Variants in TLE1 observed in about 807,000 individuals in gnomAD.
The protein encoded by TLE1 is TLE family member 1, transcriptional corepressor.
In TLE1, 21 loss-of-function variants were observed where a neutral mutation model predicts 89.8. That is an observed-to-expected ratio of 0.23 (90% CI 0.17 to 0.34). TLE1 has a LOEUF of 0.34. Ranked by LOEUF, TLE1 falls within the 10% of genes least tolerant of loss-of-function variation. The pLI, the probability that TLE1 is intolerant of heterozygous loss-of-function variation, is 1.00. For missense variants in TLE1, 795 were observed against 1,031.2 expected (o/e 0.77, Z 3.14); for synonymous variants, 447 against 407.6 (o/e 1.10, Z -1.16).
intron 14 of TLE1, among the ~76,000 whole-genome samples, chr9:81,606,760 G>A (rs1264993565): frequency 6.6e-6 from 1 of 150,992 alleles, no homozygotes; most frequent in South Asian, 2.1e-4. Flanking sequence ...ATGTACCCTA[G>A]AACTTAAAGT....
chr9:81,681,548 G>A (rs1833632072), intron 4 of TLE1, among the ~76,000 whole-genome samples: 2 of 142,354 alleles, frequency 1.4e-5, no homozygotes, highest in Non-Finnish European at 3.1e-5. Flanking sequence ...AGATTCCGTC[G>A]CGCAAAAAAA....
At chr9:81,649,438 G>A (rs565527460) in intron 6 of TLE1, among the ~76,000 whole-genome samples, 10 of 152,248 alleles carry the variant, frequency 6.6e-5, no homozygotes, top group Non-Finnish European at 1.3e-4. Context: ...GTTTGATAAA[G>A]AGAAATATCT....
At chr9:81,684,458 ATAACT>A (rs1352804199) in intron 4 of TLE1, among the ~76,000 whole-genome samples, 1 of 152,238 alleles carries the variant, frequency 6.6e-6, no homozygotes, top group African/African-American at 2.4e-5. Context: ...AATGTACACG[ATAACT>A]TAACATTATG....
intron 14 of TLE1, among the ~76,000 whole-genome samples, chr9:81,598,507 A>G (rs1416893163): frequency 1.3e-5 from 2 of 152,158 alleles, no homozygotes; most frequent in Non-Finnish European, 2.9e-5. Flanking sequence ...GGCAGGCAGA[A>G]GGTTTCACCA....
chr9:81,615,746 A>AAGG (rs1323130182), intron 11 of TLE1, among the ~76,000 whole-genome samples: 1 of 151,582 alleles, frequency 6.6e-6, no homozygotes, highest in Non-Finnish European at 1.5e-5. Flanking sequence ...GAAGAAGAAG[A>AAGG]AGGCAATGAA....
chr9:81,625,236 G>A (rs1448597339), intron 8 of TLE1, among the ~76,000 whole-genome samples: 2 of 152,164 alleles, frequency 1.3e-5, no homozygotes, highest in African/African-American at 4.8e-5. Context: ...ATCTTCACTG[G>A]CAACAAGCAA....
At chr9:81,641,815 G>C (rs1828158206) in intron 6 of TLE1, among the ~76,000 whole-genome samples, 1 of 152,192 alleles carries the variant, frequency 6.6e-6, no homozygotes, top group Admixed American at 6.5e-5. Context: ...CTGAGTTTGG[G>C]AGTTTGAGAC....
chr9:81,599,091 G>A (rs1830579331), intron 14 of TLE1, among the ~76,000 whole-genome samples: 1 of 152,190 alleles, frequency 6.6e-6, no homozygotes, highest in Admixed American at 6.5e-5. Context: ...GACTGCTGAG[G>A]TGTGAAGTAA....
intron 11 of TLE1, among the ~76,000 whole-genome samples, chr9:81,615,215 G>T (rs563653892): frequency 6.6e-6 from 1 of 150,480 alleles, no homozygotes; most frequent in Non-Finnish European, 1.5e-5. Context: ...TGTAATCCCA[G>T]CTACTGGGGA....
At chr9:81,682,209 G>A (rs868139825) in intron 4 of TLE1, among the ~76,000 whole-genome samples, 1 of 149,972 alleles carries the variant, frequency 6.7e-6, no homozygotes, top group Non-Finnish European at 1.5e-5. Context: ...AGCAGAGATC[G>A]ACCACTGCAC....
At chr9:81,608,945 A>T (rs1005273531) in intron 14 of TLE1, among the ~76,000 whole-genome samples, 1 of 151,948 alleles carries the variant, frequency 6.6e-6, no homozygotes, top group South Asian at 2.1e-4. Flanking sequence ...CAAAAATAAT[A>T]AAAAAAAGAA....
chr9:81,664,073 C>T (rs1158406975), intron 4 of TLE1, among the ~76,000 whole-genome samples: 5 of 152,038 alleles, frequency 3.3e-5, no homozygotes, highest in African/African-American at 9.7e-5. Context: ...ACCAGTAGAA[C>T]AAAATCCACA....
intron 4 of TLE1, among the ~76,000 whole-genome samples, chr9:81,678,092 T>C (rs911495196): frequency 6.6e-6 from 1 of 152,198 alleles, no homozygotes; most frequent in Non-Finnish European, 1.5e-5. Context: ...TAAGAAAAAC[T>C]AAAATAAATA....
intron 4 of TLE1, among the ~76,000 whole-genome samples, chr9:81,668,622 G>A (rs954418636): frequency 1.3e-5 from 2 of 152,008 alleles, no homozygotes; most frequent in Non-Finnish European, 2.9e-5. Flanking sequence ...CTACTTTCAG[G>A]ATGGGAAAAA....
rs540632695 is a variant in TLE1, at chr9:81,651,608, T to G, written c.372+606A>C. ...ACAAGAAAGAACAAGAGCCAACAGT[T>G]CTATAGGTTCGAATACCCCAGAAAG... On this transcript the variant is annotated intron_variant, in intron 6 of 19. Transcript: ENST00000376499. 3.3e-5 allele frequency among the ~76,000 whole-genome samples: 5 copies of G among 152,138 alleles called. No homozygotes were observed. The South Asian group carries it at 1.0e-3, about 32-fold the overall frequency.
chr9:81,685,586 C>T, intron 4 of TLE1, 90 bp downstream of exon 4: 1 of 1,340,268 alleles, frequency 7.5e-7, no homozygotes. Context: ...AAACCCCCAC[C>T]CCTAGAGCCC....
At chr9:81,632,474 CCTTTTTT>C (rs1826784904) in intron 8 of TLE1, among the ~76,000 whole-genome samples, 7 of 73,382 alleles carry the variant, frequency 9.5e-5, no homozygotes, top group Non-Finnish European at 9.1e-5. Flanking sequence ...GTTCAGTATC[CCTTTTTT>C]TTTTTTTTTT....
chr9:81,653,971 T>C lies in TLE1; in HGVS notation c.297+3A>G, dbSNP rs1829861558. 2 of 1,613,814 alleles carry C rather than the reference T, an allele frequency of 1.2e-6. No individual in the cohort carries two copies. The highest frequency in any genetic ancestry group is 2.7e-5 in the African/African-American group (2 of 74,928). ...ACTTTAACAGCTGAACAATTTTACT[T>C]ACTTCCTGAGACAGAAATGGGATGA... On this transcript the variant is annotated splice_donor_region_variant and intron_variant, in intron 5 of 19. Coordinates refer to ENST00000376499, the MANE Select transcript of TLE1 (RefSeq NM_005077.5).
chr9:81,606,041 C>A (rs1389561628), intron 14 of TLE1, among the ~76,000 whole-genome samples: 1 of 152,148 alleles, frequency 6.6e-6, no homozygotes, highest in African/African-American at 2.4e-5. Context: ...CACTGGCCAT[C>A]AGAGAAATGC....
Sources: allele counts gnomAD v4.1 joint callset (sites outside exome capture counted in the v4.1 genomes callset), GRCh38; gene constraint gnomAD v4.1.1; transcripts MANE v1.5; gene names NCBI Gene and HGNC (gene_info 2026-07-23, HGNC 2026-07-21).